Variants in GRM1 observed in about 807,000 individuals in gnomAD.
The protein encoded by GRM1 is metabotropic glutamate receptor 1.
GRM1 carries 33 observed loss-of-function variants against 90.9 expected under a neutral mutation model. The ratio of observed to expected loss-of-function variants is 0.36; its 90% CI spans 0.28 to 0.49. The LOEUF (loss-of-function observed/expected upper bound fraction) is 0.49. Among genes scored for constraint, GRM1 ranks in the 20% least tolerant of loss-of-function variants. The probability of loss-of-function intolerance (pLI) is 0.99; values close to 1 mark genes in which losing one functional copy is unlikely to be tolerated. For synonymous variants in GRM1, 700 were observed against 613.2 expected (o/e 1.14, Z -2.09); for missense variants, 1,190 against 1,534.3 (o/e 0.78, Z 3.75).
At chr6:146,057,631 C>A (rs2128852095) in intron 1 of GRM1, among the ~76,000 whole-genome samples, 1 of 152,144 alleles carries the variant, frequency 6.6e-6, no homozygotes, top group South Asian at 2.1e-4. Context: ...TTGAATAAAG[C>A]AGCTTGTTGA....
chr6:146,103,822 T>C (rs1777130767), intron 1 of GRM1, among the ~76,000 whole-genome samples: 1 of 152,046 alleles, frequency 6.6e-6, no homozygotes. Flanking sequence ...GTGAGGGAGG[T>C]AGGCACAAAC....
At chr6:146,061,408 G>T (rs1775664314) in intron 1 of GRM1, among the ~76,000 whole-genome samples, 1 of 152,038 alleles carries the variant, frequency 6.6e-6, no homozygotes, top group South Asian at 2.1e-4. Flanking sequence ...GTGCATCACA[G>T]ATATTGCATT....
At chr6:146,352,123 G>C (rs947037505) in intron 3 of GRM1, 127 bp from the exon 4 acceptor site, 2 of 874,790 alleles carry the variant, frequency 2.3e-6, no homozygotes, top group African/African-American at 3.3e-5. Flanking sequence ...ACAGGTGGGC[G>C]TGGCTTCTGC....
At chr6:146,252,022 T>G (rs2114765615) in intron 2 of GRM1, among the ~76,000 whole-genome samples, 1 of 152,326 alleles carries the variant, frequency 6.6e-6, no homozygotes, top group South Asian at 2.1e-4. Context: ...CCCTCTGTCC[T>G]GACACTTCCT....
intron 1 of GRM1, among the ~76,000 whole-genome samples, chr6:146,117,734 A>G (rs1238637149): frequency 6.6e-6 from 1 of 152,130 alleles, no homozygotes; most frequent in African/African-American, 2.4e-5. Flanking sequence ...TCAAAGCTCA[A>G]TATCTATAGC....
intron 2 of GRM1, among the ~76,000 whole-genome samples, chr6:146,275,860 T>C (rs1782341741): frequency 6.6e-6 from 1 of 152,224 alleles, no homozygotes; most frequent in South Asian, 2.1e-4. Flanking sequence ...AAAATTATTC[T>C]GCATTGTGGT....
At chr6:146,095,178 C>T (rs73578838) in intron 1 of GRM1, among the ~76,000 whole-genome samples, 1,522 of 152,162 alleles carry the variant, frequency 0.01, 22 homozygotes, top group African/African-American at 0.035. Flanking sequence ...GCTGGCATCA[C>T]CCAAAGACAA....
intron 1 of GRM1, among the ~76,000 whole-genome samples, chr6:146,079,046 A>C (rs887128224): frequency 1.3e-5 from 2 of 152,166 alleles, no homozygotes; most frequent in Admixed American, 1.3e-4. Context: ...GCACACAGGA[A>C]CCGGAGGGGC....
At chr6:146,292,067 A>T (rs1203622574) in intron 2 of GRM1, among the ~76,000 whole-genome samples, 3 of 151,986 alleles carry the variant, frequency 2.0e-5, no homozygotes, top group Non-Finnish European at 4.4e-5. Context: ...AAATAGTCTC[A>T]ACAAATATTT....
intron 2 of GRM1, among the ~76,000 whole-genome samples, chr6:146,239,342 C>G (rs111912821): frequency 1.3e-5 from 2 of 152,260 alleles, no homozygotes; most frequent in African/African-American, 4.8e-5. Context: ...CATGGCATTA[C>G]TATTCTGTAG....
chr6:146,185,245 A>G (rs553073578), intron 2 of GRM1, among the ~76,000 whole-genome samples: 8 of 152,324 alleles, frequency 5.3e-5, no homozygotes, highest in Non-Finnish European at 1.0e-4. Context: ...ACAGTCCAAT[A>G]TACGCTGACC....
chr6:146,135,336 A>C (rs764999383), intron 1 of GRM1, among the ~76,000 whole-genome samples: 1 of 152,204 alleles, frequency 6.6e-6, no homozygotes, highest in Non-Finnish European at 1.5e-5. Flanking sequence ...TAGATGGATG[A>C]CATCACTCCA....
intron 2 of GRM1, among the ~76,000 whole-genome samples, chr6:146,212,984 A>T (rs1301396176): frequency 1.2e-4 from 19 of 152,208 alleles, no homozygotes; most frequent in Non-Finnish European, 1.6e-4. Flanking sequence ...AAAACCACAA[A>T]GGCAAAGGAA....
At chr6:146,261,005 T>C (rs1184737352) in intron 2 of GRM1, among the ~76,000 whole-genome samples, 1 of 151,952 alleles carries the variant, frequency 6.6e-6, no homozygotes, top group African/African-American at 2.4e-5. Context: ...TTAATTGAAA[T>C]TTTTAAATGG....
chr6:146,426,743 T>C, intron 7 of GRM1: 1 of 666,184 alleles, frequency 1.5e-6, no homozygotes, highest in Middle Eastern at 2.4e-4. Flanking sequence ...GTGCATGCCA[T>C]CAGAATGAAG....
At chr6:146,361,769 C>G (rs1311102169) in intron 5 of GRM1, among the ~76,000 whole-genome samples, 2 of 152,234 alleles carry the variant, frequency 1.3e-5, no homozygotes, top group African/African-American at 4.8e-5. Context: ...TTGGAGCCAG[C>G]TCAAAGCTGT....
At chr6:146,130,199 C>G (rs1207926447) in intron 1 of GRM1, among the ~76,000 whole-genome samples, 1 of 152,070 alleles carries the variant, frequency 6.6e-6, no homozygotes, top group Non-Finnish European at 1.5e-5. Context: ...CTGTTGTTTT[C>G]TGAGACTCTA....
At chr6:146,145,566 C>T (rs936294870) in intron 1 of GRM1, among the ~76,000 whole-genome samples, 4 of 152,304 alleles carry the variant, frequency 2.6e-5, no homozygotes, top group African/African-American at 9.6e-5. Context: ...TTGGTGGCGT[C>T]CACATGGTGC....
rs544813107 is a variant in GRM1 at position 146,120,680 on chromosome 6, C to T, written c.701-38668C>T. Among the ~76,000 whole-genome samples, 93 of 152,298 alleles carry T rather than the reference C, an allele frequency of 6.1e-4. 1 individual carries two copies. In the East Asian group the frequency reaches 7.1e-3, roughly 12 times the overall value. ...TGAATTTTGTCAAAGGCCTTTTCTG[C>T]ATCTATTGAGATAATCATGTGGTTT... On this transcript the variant is annotated intron_variant, in intron 1 of 7. Transcript: ENST00000282753.
Sources: allele counts gnomAD v4.1 joint callset (sites outside exome capture counted in the v4.1 genomes callset), GRCh38; gene constraint gnomAD v4.1.1; transcripts MANE v1.5; gene names NCBI Gene and HGNC (gene_info 2026-07-23, HGNC 2026-07-21).